The following R3HDM2 variants were observed in gnomAD, a reference collection of about 807,000 sequenced individuals.
R3HDM2 encodes the protein R3H domain containing 2, also known as R3H domain-containing protein 2.
In R3HDM2, 38 loss-of-function variants were observed where a neutral mutation model predicts 124.5. That is an observed-to-expected ratio of 0.31 (90% CI 0.24 to 0.40). The LOEUF (loss-of-function observed/expected upper bound fraction) is 0.40, where lower values mean the gene tolerates loss of function less well. Ranked by LOEUF, R3HDM2 falls within the 10% of genes least tolerant of loss-of-function variation. The pLI, the probability that R3HDM2 is intolerant of heterozygous loss-of-function variation, is 1.00. For missense variants in R3HDM2, 869 were observed against 1,236.9 expected, an observed-to-expected ratio of 0.70 and a Z score of 4.46; for synonymous variants, 391 against 448.0, an observed-to-expected ratio of 0.87 and a Z score of 1.61.
intron 1 of R3HDM2, among the ~76,000 whole-genome samples, chr12:57,407,650 C>A (rs942493981): frequency 6.6e-5 from 10 of 152,198 alleles, no homozygotes; most frequent in African/African-American, 2.4e-4. Context: ...CGTGATCCAC[C>A]CGCCTCGGCC....
At chr12:57,320,016 A>G (rs1204355700) in intron 2 of R3HDM2, among the ~76,000 whole-genome samples, 2 of 151,986 alleles carry the variant, frequency 1.3e-5, no homozygotes, top group Non-Finnish European at 2.9e-5. Context: ...CTGCAATCCC[A>G]CCACTTTGGG....
At chr12:57,337,632 A>C (rs1285050023) in intron 2 of R3HDM2, among the ~76,000 whole-genome samples, 1 of 152,184 alleles carries the variant, frequency 6.6e-6, no homozygotes, top group African/African-American at 2.4e-5. Flanking sequence ...AAACAAAAAA[A>C]CCCGAAACAT....
At chr12:57,389,273 T>C (rs1174313339) in intron 2 of R3HDM2, among the ~76,000 whole-genome samples, 1 of 152,194 alleles carries the variant, frequency 6.6e-6, no homozygotes, top group Admixed American at 6.5e-5. Context: ...TGAAAATAGC[T>C]GACTAATATA....
intron 1 of R3HDM2, 58 bp from the exon 2 acceptor site, chr12:57,395,876 A>G: frequency 1.3e-6 from 1 of 762,340 alleles, no homozygotes; most frequent in Non-Finnish European, 1.6e-6. Flanking sequence ...ACCTTAATAT[A>G]TTAGATCCAA....
At chr12:57,381,458 T>C (rs890209251) in intron 2 of R3HDM2, among the ~76,000 whole-genome samples, 4 of 145,256 alleles carry the variant, frequency 2.8e-5, no homozygotes, top group African/African-American at 1.0e-4. Flanking sequence ...GGCAGGAGAA[T>C]CTCTTGAATC....
intron 11 of R3HDM2, among the ~76,000 whole-genome samples, chr12:57,291,654 A>G (rs2048634121): frequency 6.7e-6 from 1 of 148,452 alleles, no homozygotes; most frequent in African/African-American, 2.5e-5. Flanking sequence ...ACCCTATCTA[A>G]AAAAAAAAAA....
At chr12:57,411,999 C>T (rs1389783633) in intron 1 of R3HDM2, among the ~76,000 whole-genome samples, 1 of 152,186 alleles carries the variant, frequency 6.6e-6, no homozygotes, top group Admixed American at 6.5e-5. Flanking sequence ...GCTCTCTCAC[C>T]TGCTGCCATG....
intron 2 of R3HDM2, among the ~76,000 whole-genome samples, chr12:57,387,589 A>G (rs2066033575): frequency 1.3e-5 from 2 of 152,208 alleles, no homozygotes. Context: ...TAATGTTATA[A>G]CTCACAAAGA....
intron 2 of R3HDM2, among the ~76,000 whole-genome samples, chr12:57,324,219 TG>T (rs1486643716): frequency 6.6e-6 from 1 of 152,178 alleles, no homozygotes; most frequent in African/African-American, 2.4e-5. Context: ...GTTTCACTCT[TG>T]TTGCCCAGGC....
intron 7 of R3HDM2, chr12:57,297,742 T>C: frequency 2.7e-6 from 1 of 365,610 alleles, no homozygotes; most frequent in Non-Finnish European, 4.9e-6. Flanking sequence ...ATAATTTAGC[T>C]TATGTACAAA....
At chr12:57,394,642 G>C (rs2067224339) in intron 2 of R3HDM2, among the ~76,000 whole-genome samples, 1 of 152,010 alleles carries the variant, frequency 6.6e-6, no homozygotes, top group Non-Finnish European at 1.5e-5. Context: ...ATTAATGCTG[G>C]CCACTCAATA....
intron 2 of R3HDM2, among the ~76,000 whole-genome samples, chr12:57,375,389 G>A (rs577620210): frequency 1.3e-5 from 2 of 152,186 alleles, no homozygotes; most frequent in South Asian, 2.1e-4. Context: ...TTCTTGTTCA[G>A]TATAAACTGC....
chr12:57,418,110 A>G lies in R3HDM2; in HGVS notation c.-106+12610T>C, dbSNP rs190565273. ...ATTTCCAAAAGTGAACTCTCTACCA[A>G]CATTTCCTCTAATCCCAAACCTACC... On this transcript the variant is annotated intron_variant, in intron 1 of 23. Transcript: ENST00000402412. 1.0e-3 allele frequency: 995 copies of G among 962,254 alleles called. 18 individuals carry two copies. The South Asian group carries it at 0.021, about 21-fold the overall frequency. 59.6% of individuals were successfully genotyped at this position (962,254 alleles called of 1,614,324 possible).
chr12:57,374,715 C>T (rs1459513319), intron 2 of R3HDM2, among the ~76,000 whole-genome samples: 23 of 139,768 alleles, frequency 1.6e-4, no homozygotes, highest in African/African-American at 6.1e-4. Context: ...AAAAAAAGGC[C>T]GGGCGCGGTG....
intron 2 of R3HDM2, among the ~76,000 whole-genome samples, chr12:57,355,342 C>T (rs2137367787): frequency 6.6e-6 from 1 of 150,920 alleles, no homozygotes; most frequent in East Asian, 2.0e-4. Context: ...GCCTATAGTC[C>T]CAACTACTCG....
intron 2 of R3HDM2, among the ~76,000 whole-genome samples, chr12:57,330,395 G>C (rs1428372908): frequency 6.6e-6 from 1 of 151,662 alleles, no homozygotes; most frequent in Non-Finnish European, 1.5e-5. Flanking sequence ...CCCGGCTGGA[G>C]TTCAATGACA....
chr12:57,391,701 G>T (rs2066703422), intron 2 of R3HDM2, among the ~76,000 whole-genome samples: 1 of 152,160 alleles, frequency 6.6e-6, no homozygotes, highest in South Asian at 2.1e-4. Flanking sequence ...TGAGTAAAAG[G>T]ACATCATAGG....
chr12:57,367,863 C>T (rs924946243), intron 2 of R3HDM2, among the ~76,000 whole-genome samples: 3 of 152,040 alleles, frequency 2.0e-5, no homozygotes, highest in African/African-American at 7.2e-5. Flanking sequence ...GCTTATTTTA[C>T]AAACCAACCA....
intron 1 of R3HDM2, 158 bp downstream of exon 1, chr12:57,430,562 C>A: frequency 5.1e-6 from 5 of 985,030 alleles, no homozygotes; most frequent in Non-Finnish European, 6.0e-6. Context: ...CAGTCCTTCC[C>A]GCGGCCATCC....
Sources: gnomAD v4.1 joint callset for allele counts (sites outside exome capture counted in the v4.1 genomes callset) on GRCh38, gnomAD v4.1.1 for gene constraint, MANE v1.5 for transcripts, NCBI Gene and HGNC (gene_info 2026-07-23, HGNC 2026-07-21) for gene names.